The following NCALD variants were observed in gnomAD, a reference collection of about 807,000 sequenced individuals.
The protein encoded by NCALD is neurocalcin-delta.
NCALD carries 10 observed loss-of-function variants against 18.6 expected under a neutral mutation model. The observed-to-expected ratio is 0.54, with a 90% confidence interval of 0.33 to 0.91. The LOEUF (loss-of-function observed/expected upper bound fraction) is 0.91. NCALD is among the 40% of genes least tolerant of loss of function. NCALD has a pLI of 0.03. For missense variants in NCALD, 184 were observed against 247.6 expected (o/e 0.74, Z 1.72); for synonymous variants, 88 against 87.4 (o/e 1.01, Z -0.04).
At chr8:101,703,734 T>C (rs1358248418) in intron 2 of NCALD, among the ~76,000 whole-genome samples, 1 of 152,012 alleles carries the variant, frequency 6.6e-6, no homozygotes, top group Non-Finnish European at 1.5e-5. Context: ...CGCTGAGAGT[T>C]TGGAGACACT....
chr8:101,901,440 G>C (rs1817418074), intron 3 of NCALD, among the ~76,000 whole-genome samples: 1 of 151,372 alleles, frequency 6.6e-6, no homozygotes. Context: ...CCTTTATTTT[G>C]ATTTTCTAGA....
At position 101,736,701 on chromosome 8, in the gene NCALD, T is replaced by C. The variant is rs895585826; in HGVS notation, c.-19-17053A>G. Among the ~76,000 whole-genome samples the C allele has an allele frequency of 4.6e-5, 7 of 151,924 alleles. No individual in the cohort carries two copies. The South Asian group carries it at 1.5e-3, about 32-fold the overall frequency. Reference sequence around the variant, plus strand: ...CCAAAGAGGTAAGAACCTCTGGGGTTTTCAAGGCCCATCAATCACTAAACA... The same window carrying C: ...CCAAAGAGGTAAGAACCTCTGGGGTCTTCAAGGCCCATCAATCACTAAACA... On this transcript the variant is annotated intron_variant, in intron 1 of 3. Transcript: ENST00000220931.
At chr8:101,993,815 ATC>A (rs1821139407) in intron 2 of NCALD, among the ~76,000 whole-genome samples, 1 of 152,226 alleles carries the variant, frequency 6.6e-6, no homozygotes, top group Non-Finnish European at 1.5e-5. Flanking sequence ...TTTACCACCT[ATC>A]ACTGTGCGAC....
At chr8:102,005,864 A>C (rs777649286) in intron 2 of NCALD, among the ~76,000 whole-genome samples, 1 of 109,398 alleles carries the variant, frequency 9.1e-6, no homozygotes, top group Non-Finnish European at 1.7e-5. Context: ...AACATCACAC[A>C]CTGGGGCCTG....
At chr8:101,792,955 A>C (rs1246253469), upstream of NCALD, among the ~76,000 whole-genome samples, 1 of 152,152 alleles carries the variant, frequency 6.6e-6, no homozygotes, top group East Asian at 1.9e-4. Flanking sequence ...GAAAATTAGC[A>C]AAAAACCAAC....
chr8:101,954,931 C>G (rs765852167), intron 2 of NCALD, among the ~76,000 whole-genome samples: 9 of 152,118 alleles, frequency 5.9e-5, no homozygotes, highest in Non-Finnish European at 1.0e-4. Context: ...GTCCTTGATC[C>G]TCTCTGAGCC....
chr8:102,069,816 G>GA (rs530516093), intron 1 of NCALD, among the ~76,000 whole-genome samples: 13 of 152,148 alleles, frequency 8.5e-5, no homozygotes, highest in Non-Finnish European at 1.6e-4. Context: ...TTTAAGTTTG[G>GA]AAAGTAATTG....
chr8:101,953,314 G>T (rs1330100521), intron 2 of NCALD, among the ~76,000 whole-genome samples: 2 of 152,204 alleles, frequency 1.3e-5, no homozygotes, highest in African/African-American at 4.8e-5. Flanking sequence ...GAGGCACAAA[G>T]TTGCCACAGT....
rs1010791037 is a variant in NCALD, at chr8:102,108,666, A to T, written c.-210+15571T>A. On this transcript the variant is annotated intron_variant, in intron 1 of 6. Coordinates refer to the NCALD transcript ENST00000311028. ...TTAGTAAATTCTTCAAGGAGAGGAAAAGTGTTTTTTTCACCTTGTATTTCC... is the reference window on the plus strand; with the variant it reads ...TTAGTAAATTCTTCAAGGAGAGGAATAGTGTTTTTTTCACCTTGTATTTCC... 5.3e-5 allele frequency among the ~76,000 whole-genome samples: 8 copies of T among 152,254 alleles called. No homozygotes were observed. In the Middle Eastern group the frequency reaches 0.01, roughly 196 times the overall value.
At chr8:101,855,289 G>A (rs935353864) in intron 4 of NCALD, among the ~76,000 whole-genome samples, 6 of 152,088 alleles carry the variant, frequency 3.9e-5, no homozygotes, top group African/African-American at 1.4e-4. Flanking sequence ...AATGAGTTGT[G>A]AGCAGAAGTG....
chr8:101,990,779 T>G (rs1821014516), intron 2 of NCALD, among the ~76,000 whole-genome samples: 1 of 152,174 alleles, frequency 6.6e-6, no homozygotes, highest in Non-Finnish European at 1.5e-5. Flanking sequence ...AAAAATGGAC[T>G]AATACAACCA....
At chr8:102,002,790 C>A (rs866335710) in intron 2 of NCALD, among the ~76,000 whole-genome samples, 3 of 151,962 alleles carry the variant, frequency 2.0e-5, no homozygotes, top group Non-Finnish European at 4.4e-5. Context: ...GTGTACATAA[C>A]GAAATAAAGG....
chr8:102,018,234 C>T (rs1312508579), intron 2 of NCALD, among the ~76,000 whole-genome samples: 1 of 152,106 alleles, frequency 6.6e-6, no homozygotes, highest in African/African-American at 2.4e-5. Context: ...ACAATAATCC[C>T]ACTCCTAGTA....
chr8:101,839,731 A>C (rs960241109), intron 4 of NCALD, among the ~76,000 whole-genome samples: 5 of 152,212 alleles, frequency 3.3e-5, no homozygotes, highest in African/African-American at 2.4e-5. Flanking sequence ...AAATGTCTTT[A>C]GAATAAATCA....
chr8:101,733,502 A>G (rs970693180), intron 1 of NCALD, among the ~76,000 whole-genome samples: 1 of 152,054 alleles, frequency 6.6e-6, no homozygotes, highest in South Asian at 2.1e-4. Context: ...AGGGGGGAAA[A>G]TTCATTTTTC....
At chr8:101,810,418 G>A (rs1362053949) in intron 4 of NCALD, among the ~76,000 whole-genome samples, 1 of 152,080 alleles carries the variant, frequency 6.6e-6, no homozygotes, top group East Asian at 1.9e-4. Flanking sequence ...TAAGAAATGT[G>A]CTATTTAAGG....
At position 101,864,031 on chromosome 8, in the gene NCALD, A is replaced by G. The variant is rs147611248; in HGVS notation, c.-20+23110T>C. Reference sequence around the variant, plus strand: ...ATTCTAACATGCAACAGAACAGAGAACTAAATAAACTACATTAACCAACAA... The same window carrying G: ...ATTCTAACATGCAACAGAACAGAGAGCTAAATAAACTACATTAACCAACAA... On this transcript the variant is annotated intron_variant, in intron 4 of 6. Coordinates refer to the NCALD transcript ENST00000311028. 9.5e-3 allele frequency among the ~76,000 whole-genome samples: 1,445 copies of G among 152,316 alleles called. 11 individuals carry two copies. The highest frequency in any genetic ancestry group is 0.014 in the Non-Finnish European group (961 of 68,018).
chr8:101,873,218 A>C (rs1012026349), intron 4 of NCALD, among the ~76,000 whole-genome samples: 10 of 152,196 alleles, frequency 6.6e-5, no homozygotes, highest in African/African-American at 2.4e-4. Context: ...TCCAAATCAA[A>C]ATAAAGTGAA....
At chr8:101,929,810 CCTAGGCAGGCAGATCA>C (rs1289266295) in intron 2 of NCALD, among the ~76,000 whole-genome samples, 6 of 152,040 alleles carry the variant, frequency 3.9e-5, no homozygotes, top group Non-Finnish European at 8.8e-5. Flanking sequence ...CTTTGGGAGG[CCTAGGCAGGCAGATCA>C]CTTGAGGTCA....
Sources: allele counts gnomAD v4.1 joint callset (sites outside exome capture counted in the v4.1 genomes callset), GRCh38; gene constraint gnomAD v4.1.1; transcripts MANE v1.5; gene names NCBI Gene and HGNC (gene_info 2026-07-23, HGNC 2026-07-21).